ESRRG: variants seen among roughly 807,000 people sequenced by gnomAD.
ESRRG encodes estrogen-related receptor gamma.
ESRRG carries 13 observed loss-of-function variants against 44.0 expected under a neutral mutation model. The observed-to-expected ratio is 0.30, with a 90% CI of 0.19 to 0.47. ESRRG has a LOEUF of 0.47. ESRRG is among the 20% of genes least tolerant of loss of function. The pLI is 1.00. For synonymous variants in ESRRG, 215 were observed against 214.6 expected (o/e 1.00, Z -0.02); for missense variants, 395 against 580.6 (o/e 0.68, Z 3.29).
At chr1:216,844,761 G>A (rs1369196113) in intron 2 of ESRRG, among the ~76,000 whole-genome samples, 3 of 126,718 alleles carry the variant, frequency 2.4e-5, no homozygotes, top group Non-Finnish European at 5.0e-5. Context: ...TAGCATTCGT[G>A]CATGTGTGTG....
chr1:216,670,602 A>T (rs2074973588), intron 2 of ESRRG, among the ~76,000 whole-genome samples: 2 of 152,284 alleles, frequency 1.3e-5, no homozygotes, highest in South Asian at 4.1e-4. Flanking sequence ...CCCTGGCTAG[A>T]TCACCACAAG....
chr1:216,517,233 T>G (rs2044608399), intron 6 of ESRRG, among the ~76,000 whole-genome samples: 1 of 152,152 alleles, frequency 6.6e-6, no homozygotes, highest in South Asian at 2.1e-4. Flanking sequence ...ATGAACTAAT[T>G]CTTTAAAGAC....
intron 1 of ESRRG, among the ~76,000 whole-genome samples, chr1:217,133,617 CTTT>C: frequency 4.7e-5 from 1 of 21,418 alleles, no homozygotes; most frequent in South Asian, 3.0e-3. Flanking sequence ...TTCTTTCTTT[CTTT>C]CTTTCTTTCT....
At chr1:216,918,743 TAAA>T (rs2061481835) in intron 2 of ESRRG, among the ~76,000 whole-genome samples, 3 of 151,008 alleles carry the variant, frequency 2.0e-5, no homozygotes, top group Non-Finnish European at 4.4e-5. Flanking sequence ...TAGCTAAAAA[TAAA>T]AAAATTTATA....
chr1:216,626,901 A>G (rs949225667), intron 3 of ESRRG, among the ~76,000 whole-genome samples: 1 of 152,192 alleles, frequency 6.6e-6, no homozygotes, highest in Non-Finnish European at 1.5e-5. Flanking sequence ...ACAGCACTGT[A>G]AGTTATTCCA....
intron 5 of ESRRG, among the ~76,000 whole-genome samples, chr1:216,563,430 A>C (rs1426080926): frequency 6.6e-6 from 1 of 152,228 alleles, no homozygotes; most frequent in Non-Finnish European, 1.5e-5. Context: ...TAAAGAAATT[A>C]CTGTAGCATT....
intron 1 of ESRRG, among the ~76,000 whole-genome samples, chr1:217,103,954 C>T (rs559584099): frequency 1.4e-4 from 22 of 152,170 alleles, no homozygotes; most frequent in Middle Eastern, 3.4e-3. Flanking sequence ...AGATGGGAGT[C>T]ACTGGAAGGT....
chr1:217,019,676 C>T (rs964624024), intron 1 of ESRRG, among the ~76,000 whole-genome samples: 11 of 152,248 alleles, frequency 7.2e-5, no homozygotes, highest in African/African-American at 2.4e-4. Context: ...CTGTCATATT[C>T]GTTCTTTTCT....
chr1:216,622,455 C>T (rs1358918262), intron 3 of ESRRG, among the ~76,000 whole-genome samples: 2 of 152,168 alleles, frequency 1.3e-5, no homozygotes, highest in East Asian at 1.9e-4. Context: ...CTCAACTGAA[C>T]CTTCAGCCCT....
intron 1 of ESRRG, among the ~76,000 whole-genome samples, chr1:216,963,391 G>C (rs1323883623): frequency 3.3e-5 from 5 of 152,004 alleles, no homozygotes; most frequent in Non-Finnish European, 7.4e-5. Flanking sequence ...ACACTTTTTG[G>C]TGCCACCCGG....
At chr1:216,871,354 A>AT (rs1279952848) in intron 2 of ESRRG, among the ~76,000 whole-genome samples, 3 of 151,888 alleles carry the variant, frequency 2.0e-5, no homozygotes, top group South Asian at 4.1e-4. Context: ...ATATTATTTC[A>AT]TTTTTTTGCA....
chr1:216,870,289 A>G (rs1180423675), intron 2 of ESRRG, among the ~76,000 whole-genome samples: 2 of 148,690 alleles, frequency 1.3e-5, no homozygotes, highest in African/African-American at 2.5e-5. Context: ...ACATTGATTG[A>G]TATCTAATAT....
At chr1:216,532,623 T>C (rs6696225) in intron 5 of ESRRG, among the ~76,000 whole-genome samples, 89,193 of 151,882 alleles carry the variant, frequency 0.59, 27,832 homozygotes, top group African/African-American at 0.8. Context: ...GGTGTGTGAG[T>C]AAGAATGACA....
At chr1:216,615,546 T>C (rs1296403327) in intron 3 of ESRRG, among the ~76,000 whole-genome samples, 1 of 152,122 alleles carries the variant, frequency 6.6e-6, no homozygotes, top group East Asian at 1.9e-4. Context: ...CATTTCAGAG[T>C]GGTCAGCTGG....
chr1:216,540,572 T>G (rs2052399916), intron 5 of ESRRG, among the ~76,000 whole-genome samples: 1 of 152,038 alleles, frequency 6.6e-6, no homozygotes, highest in Admixed American at 6.6e-5. Flanking sequence ...TAAATTCAAT[T>G]TTAATATAAA....
rs1003299493 is a variant in ESRRG at position 216,721,533 on chromosome 1, G to A, written c.56+1711C>T. 9.2e-5 allele frequency among the ~76,000 whole-genome samples: 14 copies of A among 152,102 alleles called. No individual in the cohort carries two copies. In the South Asian group the frequency reaches 1.5e-3, roughly 16 times the overall value. Reference sequence around the variant, plus strand: ...AAAAGAAAGCTAGTTTGAATCTTGCGCCAAAGCCAAAAGGACATGTGCCTT... The same window carrying A: ...AAAAGAAAGCTAGTTTGAATCTTGCACCAAAGCCAAAAGGACATGTGCCTT... On this transcript the variant is annotated intron_variant, in intron 1 of 6. Transcript: ENST00000408911.
intron 1 of ESRRG, among the ~76,000 whole-genome samples, chr1:217,107,544 A>G (rs1255859237): frequency 6.6e-6 from 1 of 152,208 alleles, no homozygotes; most frequent in Non-Finnish European, 1.5e-5. Flanking sequence ...ACATAGGAAA[A>G]GGTATCAGTT....
chr1:216,768,109 A>T (rs955490482), intron 2 of ESRRG, among the ~76,000 whole-genome samples: 1 of 152,126 alleles, frequency 6.6e-6, no homozygotes, highest in African/African-American at 2.4e-5. Flanking sequence ...TCACACTTTC[A>T]GTTGAGGAAA....
chr1:216,707,438 T>G, intron 1 of ESRRG: 1 of 1,535,790 alleles, frequency 6.5e-7, no homozygotes, highest in Non-Finnish European at 8.7e-7. Flanking sequence ...ATTCAGGATC[T>G]AAATGCACAA....
Sources: allele counts gnomAD v4.1 joint callset (sites outside exome capture counted in the v4.1 genomes callset), GRCh38; gene constraint gnomAD v4.1.1; transcripts MANE v1.5; gene names NCBI Gene and HGNC (gene_info 2026-07-23, HGNC 2026-07-21).